GSE1: variants seen among roughly 807,000 people sequenced by gnomAD.
The protein encoded by GSE1 is Gse1 coiled-coil protein, also known as genetic suppressor element 1.
GSE1 carries 32 observed loss-of-function variants against 112.6 expected under a neutral mutation model. The ratio of observed to expected loss-of-function variants is 0.28; its 90% CI spans 0.21 to 0.38. The LOEUF is 0.38. GSE1 is among the 10% of genes least tolerant of loss of function. GSE1 has a pLI of 1.00. For synonymous variants in GSE1, 1,115 were observed against 735.6 expected, an observed-to-expected ratio of 1.52 and a Z score of -8.35; for missense variants, 2,348 against 1,699.2, an observed-to-expected ratio of 1.38 and a Z score of -6.71.
chr16:85,489,569 G>A (rs1190604509), intron 2 of GSE1, among the ~76,000 whole-genome samples: 8 of 82,832 alleles, frequency 9.7e-5, no homozygotes, highest in Admixed American at 3.0e-4. Context: ...CACAGCCCCC[G>A]CCCCATAGCA....
At chr16:85,178,308 G>GGGTTGCTTAACCCC (rs1200045584) in intron 1 of GSE1, among the ~76,000 whole-genome samples, 3 of 152,094 alleles carry the variant, frequency 2.0e-5, no homozygotes, top group African/African-American at 7.2e-5. Context: ...AAGTGTTAAG[G>GGGTTGCTTAACCCC]CCTGGATGTT....
intron 1 of GSE1, among the ~76,000 whole-genome samples, chr16:85,326,491 T>TG (rs1450781112): frequency 6.6e-6 from 1 of 152,200 alleles, no homozygotes; most frequent in Non-Finnish European, 1.5e-5. Flanking sequence ...GATTGGATCT[T>TG]GGGGGCGTTT....
intron 1 of GSE1, among the ~76,000 whole-genome samples, chr16:85,302,711 G>A (rs1294729606): frequency 6.6e-6 from 1 of 152,192 alleles, no homozygotes; most frequent in Non-Finnish European, 1.5e-5. Flanking sequence ...AGCACCCCTG[G>A]TAATTCTGGT....
At chr16:85,248,633 C>T (rs796154614) in intron 1 of GSE1, among the ~76,000 whole-genome samples, 22 of 152,256 alleles carry the variant, frequency 1.4e-4, no homozygotes, top group Admixed American at 8.5e-4. Flanking sequence ...TAATTGGTCT[C>T]GAAGGAGACA....
intron 1 of GSE1, among the ~76,000 whole-genome samples, chr16:85,222,840 T>C (rs2075417238): frequency 6.6e-6 from 1 of 152,198 alleles, no homozygotes; most frequent in South Asian, 2.1e-4. Context: ...CAGCAGAAGT[T>C]TGGATCCATG....
At chr16:85,592,426 AGGCGTGAGCC>A (rs1159691284) in intron 1 of GSE1, 1 of 152,232 alleles carries the variant, frequency 6.6e-6, no homozygotes, top group Non-Finnish European at 1.5e-5. Flanking sequence ...CTGGGATTAC[AGGCGTGAGCC>A]ACTCTGCCCG....
At chr16:85,607,737 C>T (rs1490248010), upstream of GSE1, among the ~76,000 whole-genome samples, 1 of 152,238 alleles carries the variant, frequency 6.6e-6, no homozygotes. Context: ...TTTCCCCTCT[C>T]TCCCTCCAGC....
intron 2 of GSE1, among the ~76,000 whole-genome samples, chr16:85,414,386 C>A (rs1238658823): frequency 6.6e-6 from 1 of 152,206 alleles, no homozygotes; most frequent in Non-Finnish European, 1.5e-5. Context: ...TGACGCAGGC[C>A]ATGTACACAT....
At chr16:85,206,917 G>C (rs993985917) in intron 1 of GSE1, among the ~76,000 whole-genome samples, 1 of 152,030 alleles carries the variant, frequency 6.6e-6, no homozygotes, top group African/African-American at 2.4e-5. Flanking sequence ...GCCCAGAGGG[G>C]TGGGCCAGCG....
At chr16:85,565,998 C>G (rs1318188258) in intron 1 of GSE1, among the ~76,000 whole-genome samples, 1 of 152,192 alleles carries the variant, frequency 6.6e-6, no homozygotes, top group Non-Finnish European at 1.5e-5. Context: ...TGACTCTGGG[C>G]AGGTTCCTTA....
intron 1 of GSE1, among the ~76,000 whole-genome samples, chr16:85,605,609 G>T (rs1334132003): frequency 1.3e-5 from 2 of 151,946 alleles, no homozygotes; most frequent in East Asian, 3.9e-4. Flanking sequence ...AGTGGGTGGA[G>T]ATTTGCCCAG....
intron 2 of GSE1, among the ~76,000 whole-genome samples, chr16:85,380,020 A>G (rs2047511400): frequency 6.6e-6 from 1 of 152,228 alleles, no homozygotes; most frequent in Middle Eastern, 3.2e-3. Flanking sequence ...AGGACAGAAC[A>G]GCAGGTGTTT....
At chr16:85,310,180 C>T (rs951243585) in intron 1 of GSE1, among the ~76,000 whole-genome samples, 4 of 152,198 alleles carry the variant, frequency 2.6e-5, no homozygotes, top group South Asian at 4.1e-4. Flanking sequence ...CTCCCGCTGG[C>T]GCCCCCACGC....
rs59803614 is a variant in GSE1 at position 85,231,117 on chromosome 16, A to G, written c.2283+59310A>G. Among the ~76,000 whole-genome samples the G allele has an allele frequency of 1.8e-3, 183 of 102,312 alleles. 7 individuals carry two copies. The highest frequency in any genetic ancestry group is 5.7e-3 in the African/African-American group (137 of 24,226). The allele number at this position is 102,312 out of a possible 152,430, so 67.1% of individuals were successfully genotyped here. A position where few individuals can be genotyped will look rare whatever the true frequency, so the allele number is the denominator to read the frequency against. The stretch of plus-strand genomic sequence containing the variant: ...GGATGGACAGATGAATGGATGGATG[A>G]AAGGATGGATGGAAGGATGGATGGA... On this transcript the variant is annotated intron_variant, in intron 1 of 2. Coordinates refer to the GSE1 transcript ENST00000637419.
intron 14 of GSE1, among the ~76,000 whole-genome samples, chr16:85,669,938 C>G (rs1187479364): frequency 2.0e-5 from 3 of 152,260 alleles, no homozygotes; most frequent in Admixed American, 6.5e-5. Context: ...TACCGCTCAG[C>G]TGTTTTTAGC....
chr16:85,478,308 C>T (rs537141243), intron 2 of GSE1, among the ~76,000 whole-genome samples: 3 of 152,160 alleles, frequency 2.0e-5, no homozygotes, highest in Admixed American at 6.5e-5. Flanking sequence ...GGGCAGATCA[C>T]TTGAGACCAG....
intron 1 of GSE1, among the ~76,000 whole-genome samples, chr16:85,261,612 C>T (rs930102138): frequency 6.6e-5 from 10 of 152,162 alleles, no homozygotes; most frequent in African/African-American, 1.7e-4. Context: ...GGGGACTTGG[C>T]GGCCAGCAGG....
rs573138982 is a variant in GSE1 at position 85,286,767 on chromosome 16, A to G, written c.2284-70696A>G. ...CTGTTTGAACATCTGCTCTGGTATC[A>G]CTTGGGAAGTTTAAAGTCAGACGAG... On this transcript the variant is annotated intron_variant, in intron 1 of 2. Transcript: ENST00000637419. 2.4e-3 allele frequency among the ~76,000 whole-genome samples: 360 copies of G among 151,342 alleles called. 1 individual carries two copies. Among genetic ancestry groups the G allele is most frequent in the African/African-American group, 8.4e-3 (346 of 41,140 alleles).
rs890401024 is a variant in GSE1 at position 85,476,172 on chromosome 16, T to G, written c.2464+118529T>G. 2.6e-5 allele frequency among the ~76,000 whole-genome samples: 4 copies of G among 152,210 alleles called. No homozygotes were observed. The South Asian group carries it at 8.3e-4, about 32-fold the overall frequency. On this transcript the variant is annotated intron_variant, in intron 2 of 2. Coordinates refer to the GSE1 transcript ENST00000637419. The stretch of plus-strand genomic sequence containing the variant: ...GCCTCGAACTGCTGAGCTCAAGTGA[T>G]CCTCCTGCCTGGGCCTCCCAGAGTG...
Sources: allele counts gnomAD v4.1 joint callset (sites outside exome capture counted in the v4.1 genomes callset), GRCh38; gene constraint gnomAD v4.1.1; transcripts MANE v1.5; gene names NCBI Gene and HGNC (gene_info 2026-07-23, HGNC 2026-07-21).